Variants in DUSP15 observed in about 807,000 individuals in gnomAD.
The protein encoded by DUSP15 is dual specificity protein phosphatase 15.
DUSP15 carries 23 observed loss-of-function variants against 26.3 expected under a neutral mutation model. That is an observed-to-expected ratio of 0.87 (90% CI 0.63 to 1.24). The LOEUF (loss-of-function observed/expected upper bound fraction) is 1.24, where lower values mean the gene tolerates loss of function less well. Ranked by LOEUF, DUSP15 falls within the 50% of genes most tolerant of loss-of-function variation. The pLI is 0.00. For missense variants in DUSP15, 364 were observed against 320.6 expected (o/e 1.14, Z -1.03); for synonymous variants, 143 against 135.5 (o/e 1.06, Z -0.39).
At chr20:31,856,928 G>A (rs1366657447), downstream of DUSP15, among the ~76,000 whole-genome samples, 1 of 152,034 alleles carries the variant, frequency 6.6e-6, no homozygotes, top group Non-Finnish European at 1.5e-5. Flanking sequence ...AGATGGGAGT[G>A]TTTCAAGGAG....
chr20:31,869,393 G>A lies in DUSP15; in HGVS notation c.55+171C>T, dbSNP rs1490952701. On this transcript the variant is annotated intron_variant, in intron 2 of 6. Transcript: ENST00000339738. ...TGTCCCTTCAAGCCTGGGGACACTCGCCTGCATGTGCACCCCTTGTCCTCC... is the reference window on the plus strand; with the variant it reads ...TGTCCCTTCAAGCCTGGGGACACTCACCTGCATGTGCACCCCTTGTCCTCC... 6.6e-6 allele frequency among the ~76,000 whole-genome samples: 1 copy of A among 152,172 alleles called. No homozygotes were observed. The highest frequency in any genetic ancestry group is 1.5e-5 in the Non-Finnish European group (1 of 68,018).
Position 31,848,804 on chromosome 20 carries a change from AC to A in DUSP15, c.726+1del, listed in dbSNP as rs774680984. The A allele has an allele frequency of 1.2e-6, 2 of 1,608,698 alleles. No individual in the cohort carries two copies. Among genetic ancestry groups the A allele is most frequent in the East Asian group, 4.5e-5 (2 of 44,780 alleles). On this transcript the variant is annotated splice_donor_variant, in intron 9 of 9. Coordinates refer to the DUSP15 transcript ENST00000278979. LOFTEE classifies it high-confidence loss of function. ...TTGGCTGGAGTGGAAGGAGTGACTC[AC>A]GTCCGCCATGATGAGCTGCTCCTTG...
intron 3 of DUSP15, among the ~76,000 whole-genome samples, chr20:31,866,317 G>T (rs1170502196): frequency 2.0e-5 from 3 of 152,186 alleles, no homozygotes; most frequent in East Asian, 1.9e-4. Flanking sequence ...TATAGTATCA[G>T]TTGTGATTTG....
intron 6 of DUSP15, among the ~76,000 whole-genome samples, chr20:31,854,705 T>A (rs761852813): frequency 6.6e-6 from 1 of 152,164 alleles, no homozygotes; most frequent in Non-Finnish European, 1.5e-5. Flanking sequence ...AAGGGCGTGG[T>A]GCACTCAGGG....
downstream of DUSP15, among the ~76,000 whole-genome samples, chr20:31,858,581 C>T (rs570912128): frequency 5.9e-4 from 90 of 152,306 alleles, no homozygotes; most frequent in Non-Finnish European, 1.2e-3. The surrounding 1 kb of genome is among the most constrained non-coding windows in gnomAD (Gnocchi z 4.4). Context: ...TGGCAGGAGG[C>T]GCTGTGAGAC....
chr20:31,868,680 A>C (rs1373461169), intron 2 of DUSP15, among the ~76,000 whole-genome samples: 1 of 151,718 alleles, frequency 6.6e-6, no homozygotes, highest in African/African-American at 2.4e-5. Context: ...GGGTTTCACT[A>C]TGTTGGCCAG....
At chr20:31,845,658 CTGG>C, downstream of DUSP15, 1 of 1,299,754 alleles carries the variant, frequency 7.7e-7, no homozygotes, top group Non-Finnish European at 1.0e-6. Context: ...GCCTCCCAGC[CTGG>C]AAAGGCAAAA....
At chr20:31,856,711 G>A (rs1364431872), downstream of DUSP15, among the ~76,000 whole-genome samples, 2 of 152,058 alleles carry the variant, frequency 1.3e-5, no homozygotes, top group East Asian at 3.9e-4. Context: ...GGAGACAGTA[G>A]CCAGCAGGCA....
chr20:31,849,493 C>T, intron 8 of DUSP15: 2 of 727,066 alleles, frequency 2.8e-6, no homozygotes, highest in Non-Finnish European at 5.1e-6. Context: ...CGTCCTTATG[C>T]CCCCGTTCCC....
rs2062642336 is a variant in DUSP15, at chr20:31,861,272, G to C, written c.*131C>G. On this transcript the variant is annotated 3_prime_UTR_variant, in exon 7 of 7. Transcript: ENST00000339738. ...CTGCAGACGCGGACGAGCAGGGCGG[G>C]CGCGGGAGGCAGGGTTCAGGCCGCC... 1.5e-6 allele frequency: 2 copies of C among 1,364,230 alleles called. No homozygotes were observed. The highest frequency in any genetic ancestry group is 3.1e-5 in the East Asian group (1 of 32,188). 84.5% of individuals were successfully genotyped at this position (1,364,230 alleles called of 1,614,324 possible).
At chr20:31,846,475 A>AGGGG (rs1555791619), downstream of DUSP15, among the ~76,000 whole-genome samples, 1 of 79,616 alleles carries the variant, frequency 1.3e-5, no homozygotes, top group African/African-American at 7.4e-5. Context: ...AGAGAGAGAG[A>AGGGG]GGAGAGAGAG....
chr20:31,864,174 C>G, intron 4 of DUSP15, 193 bp from the exon 5 acceptor site: 1 of 1,389,612 alleles, frequency 7.2e-7, no homozygotes, highest in South Asian at 1.6e-5. Flanking sequence ...AGAATGGTGG[C>G]ATTTCAGGCA....
chr20:31,869,553 G>A lies in DUSP15; in HGVS notation c.55+11C>T, dbSNP rs2062867395. The A allele has an allele frequency of 6.2e-7, 1 of 1,611,470 alleles. No individual in the cohort carries two copies. The highest frequency in any genetic ancestry group is 1.3e-5 in the African/African-American group (1 of 74,932). ...GTGCCATGGCCTCGGGACAGAGTGG[G>A]CAGTGCTCACCAATGAAGTTTCCGA... On this transcript the variant is annotated intron_variant, in intron 2 of 6. Coordinates refer to ENST00000339738, the MANE Select transcript of DUSP15 (RefSeq NM_080611.5).
exon 10 of DUSP15, chr20:31,848,531 C>T (rs1272173978): frequency 6.3e-7 from 1 of 1,595,774 alleles, no homozygotes; most frequent in African/African-American, 1.3e-5. Flanking sequence ...ACTTAGAGTG[C>T]AGGACGAGCT....
At chr20:31,865,808 T>C (rs1369243919) in intron 3 of DUSP15, among the ~76,000 whole-genome samples, 2 of 152,178 alleles carry the variant, frequency 1.3e-5, no homozygotes, top group African/African-American at 4.8e-5. Flanking sequence ...GTTTGTGTGG[T>C]ACTATCAAAC....
chr20:31,851,286 G>T (rs2062465255), intron 6 of DUSP15, among the ~76,000 whole-genome samples: 1 of 151,986 alleles, frequency 6.6e-6, no homozygotes, highest in Admixed American at 6.6e-5. Flanking sequence ...ATGCGGGGGT[G>T]GGGGTGATGA....
downstream of DUSP15, among the ~76,000 whole-genome samples, chr20:31,856,099 GCT>G (rs1229751218): frequency 2.0e-5 from 3 of 152,170 alleles, no homozygotes; most frequent in African/African-American, 7.2e-5. Context: ...CCCAGGGAAG[GCT>G]CTCTTGAGCA....
chr20:31,848,824 C>G, exon 9 of DUSP15: 1 of 1,612,006 alleles, frequency 6.2e-7, no homozygotes, highest in South Asian at 1.1e-5. Flanking sequence ...TGATGAGCTG[C>G]TCCTTGGGGT....
chr20:31,866,478 C>T (rs2062768526), intron 3 of DUSP15, among the ~76,000 whole-genome samples: 1 of 152,208 alleles, frequency 6.6e-6, no homozygotes, highest in African/African-American at 2.4e-5. Flanking sequence ...ATGTTCCTGA[C>T]ATAAGCACGT....
Sources: gnomAD v4.1 joint callset for allele counts (sites outside exome capture counted in the v4.1 genomes callset) on GRCh38, gnomAD v4.1.1 for gene constraint, Gnocchi (gnomAD v3.1) non-coding constraint, MANE v1.5 for transcripts, NCBI Gene and HGNC (gene_info 2026-07-23, HGNC 2026-07-21) for gene names.